NPAS1: variants seen among roughly 807,000 people sequenced by gnomAD.
NPAS1 encodes the protein neuronal PAS domain protein 1.
In NPAS1, 29 loss-of-function variants were observed where a neutral mutation model predicts 49.2. The ratio of observed to expected loss-of-function variants is 0.59; its 90% CI spans 0.44 to 0.80. The LOEUF is 0.80. NPAS1 is among the 30% of genes least tolerant of loss of function. The pLI, the probability that NPAS1 is intolerant of heterozygous loss-of-function variation, is 0.00. For missense variants in NPAS1, 825 were observed against 835.5 expected, an observed-to-expected ratio of 0.99 and a Z score of 0.15; for synonymous variants, 408 against 380.4, an observed-to-expected ratio of 1.07 and a Z score of -0.84.
chr19:47,021,915 G>T lies in NPAS1; in HGVS notation c.358+68G>T. 9.2e-7 allele frequency: 1 copy of T among 1,085,336 alleles called. No homozygotes were observed. The highest frequency in any genetic ancestry group is 1.2e-6 in the Non-Finnish European group (1 of 810,310). 67.2% of individuals were successfully genotyped at this position (1,085,336 alleles called of 1,614,324 possible). A position where few individuals can be genotyped will look rare whatever the true frequency, so the allele number is the denominator to read the frequency against. Reference sequence around the variant, plus strand: ...GCGGAGTCACTGCAGCCCAGATCCGGGCTGCGGGCCTGCCCTCGCCCAGAT... The same window carrying T: ...GCGGAGTCACTGCAGCCCAGATCCGTGCTGCGGGCCTGCCCTCGCCCAGAT... On this transcript the variant is annotated intron_variant, in intron 3 of 11. Coordinates refer to ENST00000602212, the MANE Select transcript of NPAS1 (RefSeq NM_002517.4). This position sits in a 1 kb window ranked among gnomAD's most constrained non-coding sequence, Gnocchi z 5.7.
Position 47,036,020 on chromosome 19 carries a change from G to A in NPAS1, c.579G>A (p.Glu193=). ...ACATTCACCCTGGGGACCACTCAGA[G>A]GTGCTGGAGCAACTGGGGCTGCGGA... is the stretch of plus-strand genomic sequence containing the variant. ...FDYIHPGDHS[E]VLEQLGLRTP... Residue 193 remains glutamate, a synonymous_variant, in exon 6 of 12, where the codon GAG becomes GAA. Transcript: ENST00000602212. The A allele has an allele frequency of 1.3e-6, 2 of 1,599,738 alleles. No individual in the cohort carries two copies. Among genetic ancestry groups the A allele is most frequent in the South Asian group, 1.1e-5 (1 of 89,366 alleles).
intron 1 of NPAS1, among the ~76,000 whole-genome samples, chr19:47,020,519 C>T (rs569829565): frequency 9.9e-5 from 15 of 151,962 alleles, no homozygotes; most frequent in African/African-American, 3.4e-4. Context: ...CCCTCTGCCC[C>T]CTGCCTCCTT....
In NPAS1 at chr19:47,038,359, A is replaced by C. The variant is rs2056982191; in HGVS notation, c.689-677A>C. ...TGGCGATACCCCGTCTCTACTAAAAATACAAAAACTAGCTGGGCATGATGG... is the reference window on the plus strand; with the variant it reads ...TGGCGATACCCCGTCTCTACTAAAACTACAAAAACTAGCTGGGCATGATGG... On this transcript the variant is annotated intron_variant, in intron 6 of 11. Transcript: ENST00000602212. 2.6e-5 allele frequency among the ~76,000 whole-genome samples: 4 copies of C among 151,068 alleles called. No homozygotes were observed. The South Asian group carries it at 8.4e-4, about 32-fold the overall frequency.
Position 47,042,753 on chromosome 19 carries a change from G to T in NPAS1, c.1218-57G>T. On this transcript the variant is annotated intron_variant, in intron 10 of 11. Coordinates refer to ENST00000602212, the MANE Select transcript of NPAS1 (RefSeq NM_002517.4). ...TTGCCACAAGTTGGGTAAAGCAGGA[G>T]GGAGTCCTGAGAGGCCAAGGACCCC... 4 of 1,434,704 alleles carry T rather than the reference G, an allele frequency of 2.8e-6. No homozygotes were observed. In the South Asian group the frequency reaches 3.9e-5, roughly 14 times the overall value. 88.9% of individuals were successfully genotyped at this position (1,434,704 alleles called of 1,614,324 possible). A position where few individuals can be genotyped will look rare whatever the true frequency, so the allele number is the denominator to read the frequency against.
In NPAS1 at chr19:47,035,739, G is replaced by A. The variant is rs1275195652; in HGVS notation, c.523-225G>A. 9 of 508,924 alleles carry A rather than the reference G, an allele frequency of 1.8e-5. No individual in the cohort carries two copies. The Admixed American group carries it at 3.4e-4, about 19-fold the overall frequency. The allele number at this position is 508,924 out of a possible 1,614,324, so 31.5% of individuals were successfully genotyped here. On this transcript the variant is annotated intron_variant, in intron 5 of 11. Transcript: ENST00000602212. ...CACACAGCCCCTTAATAGAGTGGGC[G>A]GGGAAAAATCCTTACTAATCACTGG... is the stretch of plus-strand genomic sequence containing the variant.
Position 47,042,880 on chromosome 19 carries a change from T to A in NPAS1, c.1288T>A (p.Ser430Thr). The A allele has an allele frequency of 6.2e-7, 1 of 1,603,856 alleles. No homozygotes were observed. Among genetic ancestry groups the A allele is most frequent in the Non-Finnish European group, 8.5e-7 (1 of 1,175,502 alleles). Residue 430 changes from serine (S) to threonine (T), a missense_variant, in exon 11 of 12, where the codon TCC (serine) becomes ACC (threonine). Coordinates refer to ENST00000602212, the MANE Select transcript of NPAS1 (RefSeq NM_002517.4). ...LPASVACEEA[S>T]SPGPEPTEPE... ...AGCCAGCGTGGCCTGTGAGGAGGCA[T>A]CCAGCCCGGGGCCAGAGCCCACAGG...
intron 5 of NPAS1, among the ~76,000 whole-genome samples, chr19:47,034,268 C>T (rs977350630): frequency 1.7e-4 from 24 of 138,278 alleles, no homozygotes; most frequent in African/African-American, 4.4e-4. Flanking sequence ...GAGCCGAGAT[C>T]GTGGCATTGC....
At position 47,021,966 on chromosome 19, in the gene NPAS1, C is replaced by T. The variant is rs1314314687; in HGVS notation, c.358+119C>T. On this transcript the variant is annotated intron_variant, in intron 3 of 11. Coordinates refer to ENST00000602212, the MANE Select transcript of NPAS1 (RefSeq NM_002517.4). This position sits in a 1 kb window ranked among gnomAD's most constrained non-coding sequence, Gnocchi z 5.7. ...GCTTGTCTCTGGAGTCAGCCAGGACCTTTGCGTGTCCCTATCAGGTGGCTT... is the reference window on the plus strand; with the variant it reads ...GCTTGTCTCTGGAGTCAGCCAGGACTTTTGCGTGTCCCTATCAGGTGGCTT... The T allele has an allele frequency of 3.3e-6, 2 of 602,592 alleles. No homozygotes were observed. Among genetic ancestry groups the T allele is most frequent in the Non-Finnish European group, 5.3e-6 (2 of 378,526 alleles). The allele number at this position is 602,592 out of a possible 1,614,324, so 37.3% of individuals were successfully genotyped here.
chr19:47,027,507 CCCATCTCT>C lies in NPAS1; in HGVS notation c.359-4769_359-4762del, dbSNP rs1568501508. Among the ~76,000 whole-genome samples, 38 of 47,308 alleles carry C rather than the reference CCCATCTCT, an allele frequency of 8.0e-4. 9 individuals carry two copies. The highest frequency in any genetic ancestry group is 3.9e-3 in the African/African-American group (38 of 9,636). 31.0% of individuals were successfully genotyped at this position (47,308 alleles called of 152,430 possible). On this transcript the variant is annotated intron_variant, in intron 3 of 11. Transcript: ENST00000602212. Reference sequence around the variant, plus strand: ...TCTCCCGTCTCTCTGCCCCTGGTCTCCCATCTCTCTGCCCCTGTTCTCCCTTCTCTCTG... The same window carrying C: ...TCTCCCGTCTCTCTGCCCCTGGTCTCCTGCCCCTGTTCTCCCTTCTCTCTG...
intron 10 of NPAS1, among the ~76,000 whole-genome samples, chr19:47,041,994 A>G: frequency 7.4e-6 from 1 of 135,964 alleles, no homozygotes; most frequent in Non-Finnish European, 1.6e-5. Context: ...AAAAAAAAAA[A>G]AAAAAAAAAA....
At chr19:47,044,070 A>T (rs2057049287) in intron 11 of NPAS1, among the ~76,000 whole-genome samples, 1 of 147,912 alleles carries the variant, frequency 6.8e-6, no homozygotes, top group African/African-American at 2.7e-5. Flanking sequence ...CGTCTCAAAC[A>T]AATTTATTTA....
chr19:47,032,837 T>C lies in NPAS1; in HGVS notation c.522+105T>C, dbSNP rs886294700. ...GGTCTCACCATAGCAGCAAGAAAAATGGACTGGATCTCTGTGGTCCCCAAA... is the reference window on the plus strand; with the variant it reads ...GGTCTCACCATAGCAGCAAGAAAAACGGACTGGATCTCTGTGGTCCCCAAA... On this transcript the variant is annotated intron_variant, in intron 5 of 11. Transcript: ENST00000602212. 1.1e-5 allele frequency: 9 copies of C among 809,330 alleles called. No individual in the cohort carries two copies. The Admixed American group carries it at 1.6e-4, about 15-fold the overall frequency. 50.1% of individuals were successfully genotyped at this position (809,330 alleles called of 1,614,324 possible).
In NPAS1 at chr19:47,035,779, G is replaced by C. The variant is rs1171828919; in HGVS notation, c.523-185G>C. The C allele has an allele frequency of 5.1e-6, 3 of 593,938 alleles. No homozygotes were observed. The African/African-American group carries it at 5.7e-5, about 11-fold the overall frequency. The allele number at this position is 593,938 out of a possible 1,614,324, so 36.8% of individuals were successfully genotyped here. On this transcript the variant is annotated intron_variant, in intron 5 of 11. Transcript: ENST00000602212. ...CTAATCACTGGGTATGAAGCGAGAAGAGTCTAAGTTTGTATCTTCCGTTTG... is the reference window on the plus strand; with the variant it reads ...CTAATCACTGGGTATGAAGCGAGAACAGTCTAAGTTTGTATCTTCCGTTTG...
At chr19:47,029,187 T>C (rs961523544) in intron 3 of NPAS1, among the ~76,000 whole-genome samples, 1 of 151,804 alleles carries the variant, frequency 6.6e-6, no homozygotes, top group Admixed American at 6.6e-5. Flanking sequence ...GTTCAAGTGA[T>C]TCTCCTGCCT....
Position 47,036,031 on chromosome 19 carries a change from A to T in NPAS1, c.590A>T (p.Gln197Leu). ...HPGDHSEVLE[Q>L]LGLRTPTPGP... ...GGGGACCACTCAGAGGTGCTGGAGC[A>T]ACTGGGGCTGCGGACGCCGACGCCC... The change falls in exon 6 of 12, where the codon CAA becomes CTA. Residue 197 changes from glutamine to leucine, a missense_variant. Transcript: ENST00000602212. 1 of 1,605,234 alleles carries T rather than the reference A, an allele frequency of 6.2e-7. No individual in the cohort carries two copies. The highest frequency in any genetic ancestry group is 8.5e-7 in the Non-Finnish European group (1 of 1,175,684).
chr19:47,026,556 T>C (rs912921947), intron 3 of NPAS1, among the ~76,000 whole-genome samples: 1 of 152,146 alleles, frequency 6.6e-6, no homozygotes, highest in Non-Finnish European at 1.5e-5. Context: ...GTCCAACCCC[T>C]GGGACTTGCT....
intron 11 of NPAS1, among the ~76,000 whole-genome samples, chr19:47,044,543 C>A (rs2057054812): frequency 6.6e-6 from 1 of 152,216 alleles, no homozygotes; most frequent in South Asian, 2.1e-4. Flanking sequence ...CTGAAGAGCA[C>A]AGGTCTAGAC....
At chr19:47,035,923 G>T (rs990773907) in intron 5 of NPAS1, 41 bp from the exon 6 acceptor site, 4 of 1,468,406 alleles carry the variant, frequency 2.7e-6, no homozygotes, top group Non-Finnish European at 3.6e-6. Flanking sequence ...TACTGCGCGC[G>T]CACCTCACCC....
At chr19:47,038,866 G>A (rs1318369569) in intron 6 of NPAS1, among the ~76,000 whole-genome samples, 170 bp from the exon 7 acceptor site, 1 of 152,102 alleles carries the variant, frequency 6.6e-6, no homozygotes, top group East Asian at 1.9e-4. Flanking sequence ...CCACATAGGG[G>A]AGCCCACATA....
Sources: gnomAD v4.1 joint callset for allele counts (sites outside exome capture counted in the v4.1 genomes callset) on GRCh38, gnomAD v4.1.1 for gene constraint, Gnocchi (gnomAD v3.1) non-coding constraint, MANE v1.5 for transcripts, NCBI Gene and HGNC (gene_info 2026-07-23, HGNC 2026-07-21) for gene names.